NXF3: variants seen among roughly 807,000 people sequenced by gnomAD.
The protein encoded by NXF3 is TAP-like protein 3.
Under a neutral mutation model 48.4 loss-of-function variants are expected in NXF3, and 34 were observed. The observed-to-expected ratio is 0.70, with a 90% CI of 0.53 to 0.93. The LOEUF is 0.93. Among genes scored for constraint, NXF3 ranks in the 40% least tolerant of loss-of-function variants. The pLI is 0.00. For missense variants in NXF3, 359 were observed against 406.1 expected (o/e 0.88, Z 1.00); for synonymous variants, 132 against 145.7 (o/e 0.91, Z 0.68).
chrX:103,079,985 C>T, intron 12 of NXF3, 28 bp downstream of exon 12: 1 of 1,208,629 alleles, frequency 8.3e-7, no homozygotes, highest in Non-Finnish European at 1.1e-6. Flanking sequence ...CTAGCCTTCT[C>T]TTGCCTCAGA....
At position 103,083,695 on chromosome X, in the gene NXF3, A is replaced by G. The variant is rs762179810; in HGVS notation, c.352-3T>C. 3 of 1,189,117 alleles carry G rather than the reference A, an allele frequency of 2.5e-6. No homozygotes were observed. The highest frequency in any genetic ancestry group is 4.4e-5 in the Admixed American group (2 of 45,954). ...TTGTATTTTATGCCAAAGGGAACCT[A>G]TGAGTGAAAGAAAGAATGAGTGAGG... On this transcript the variant is annotated splice_region_variant and splice_polypyrimidine_tract_variant and intron_variant, in intron 3 of 19. Coordinates refer to ENST00000395065, the MANE Select transcript of NXF3 (RefSeq NM_022052.2).
At chrX:103,086,776 T>C (rs1397614290) in intron 1 of NXF3, among the ~76,000 whole-genome samples, 1 of 109,786 alleles carries the variant, frequency 9.1e-6, no homozygotes, top group Non-Finnish European at 1.9e-5. Context: ...ATTTACACAC[T>C]GACTGACTGA....
At chrX:103,089,539 G>C (rs1222328058) in intron 1 of NXF3, among the ~76,000 whole-genome samples, 1 of 112,142 alleles carries the variant, frequency 8.9e-6, no homozygotes, top group Non-Finnish European at 1.9e-5. Context: ...TGCTGTGTCT[G>C]TATTGAAAAA....
chrX:103,082,962 C>A (rs374868758), intron 7 of NXF3, 42 bp downstream of exon 7: 1 of 1,168,919 alleles, frequency 8.6e-7, no homozygotes, highest in Non-Finnish European at 1.2e-6. Context: ...CACACAGACA[C>A]CTCTGCCCTC....
chrX:103,083,829 G>C, intron 3 of NXF3, 137 bp from the exon 4 acceptor site: 2 of 435,598 alleles, frequency 4.6e-6, no homozygotes, highest in Non-Finnish European at 7.9e-6. Flanking sequence ...GCTAACTTAT[G>C]TATTTCATTA....
At position 103,088,364 on chromosome X, in the gene NXF3, A is replaced by G. The variant is rs1922203085; in HGVS notation, c.29-3481T>C. On this transcript the variant is annotated intron_variant, in intron 1 of 19. Coordinates refer to ENST00000395065, the MANE Select transcript of NXF3 (RefSeq NM_022052.2). Reference sequence around the variant, plus strand: ...ACATTTGTGGGTTCTCTTGGCAAACATGGAACATATAAAACAATTGGCAAT... The same window carrying G: ...ACATTTGTGGGTTCTCTTGGCAAACGTGGAACATATAAAACAATTGGCAAT... The G allele has an allele frequency of 1.1e-5, 6 of 548,579 alleles. No individual in the cohort carries two copies. The East Asian group carries it at 2.1e-4, about 19-fold the overall frequency. The allele number at this position is 548,579 out of a possible 1,213,427, so 45.2% of individuals were successfully genotyped here. A position where few individuals can be genotyped will look rare whatever the true frequency, so the allele number is the denominator to read the frequency against.
At chrX:103,088,911 G>A (rs1922214721) in intron 1 of NXF3, 3 of 1,193,685 alleles carry the variant, frequency 2.5e-6, no homozygotes, top group Non-Finnish European at 3.4e-6. Context: ...TCAAAAATAC[G>A]AGGTCTCAGA....
Position 103,083,506 on chromosome X carries a change from T to C in NXF3, c.436-4A>G, listed in dbSNP as rs770457858. ...CATGCATGTTTTCATAGTGAAACTA[T>C]AGGGAGAGTTGCAAGAGAAATGAAA... On this transcript the variant is annotated splice_region_variant and splice_polypyrimidine_tract_variant and intron_variant, in intron 4 of 19. Transcript: ENST00000395065. 24 of 1,195,596 alleles carry C rather than the reference T, an allele frequency of 2.0e-5. No homozygotes were observed. The highest frequency in any genetic ancestry group is 8.9e-5 in the South Asian group (5 of 56,456).
At chrX:103,085,725 A>C (rs368641042) in intron 1 of NXF3, among the ~76,000 whole-genome samples, 7 of 108,680 alleles carry the variant, frequency 6.4e-5, no homozygotes, top group South Asian at 7.9e-4. Flanking sequence ...AACATGATGA[A>C]ACACCCTCTC....
chrX:103,079,312 C>A (rs772198037), intron 15 of NXF3, 47 bp downstream of exon 15: 4 of 1,208,586 alleles, frequency 3.3e-6, no homozygotes, highest in Non-Finnish European at 4.5e-6. Context: ...ACCTCCTACC[C>A]ACCTCTGGCT....
intron 1 of NXF3, among the ~76,000 whole-genome samples, chrX:103,090,293 T>A (rs1240945375): frequency 1.8e-5 from 2 of 112,097 alleles, no homozygotes; most frequent in Admixed American, 9.5e-5. Flanking sequence ...TTTGCAAGAG[T>A]CTAATGCTAA....
intron 8 of NXF3, 118 bp downstream of exon 8, chrX:103,082,642 G>A: frequency 3.3e-6 from 2 of 608,027 alleles, no homozygotes. Context: ...GCTATGGGGA[G>A]GAATGAATTA....
In NXF3 at chrX:103,084,814, C is replaced by G; in HGVS notation, c.98G>C (p.Arg33Thr). Residue 33 changes from arginine to threonine, a missense_variant, in exon 2 of 20, where the codon AGG becomes ACG. Arg to Thr is a moderately conservative substitution (Grantham distance 71). Transcript: ENST00000395065. The stretch of plus-strand genomic sequence containing the variant: ...CATGCCAGGATTGACAGGTTCAGAC[C>G]TACTGCTAAATCTCCTTTGGTAAAT... ...WDIYQRRFSS[R>T]SEPVNPGMHS... The G allele has an allele frequency of 1.7e-6, 2 of 1,211,042 alleles. No individual in the cohort carries two copies. Among genetic ancestry groups the G allele is most frequent in the Non-Finnish European group, 2.2e-6 (2 of 894,629 alleles).
chrX:103,082,845 A>G lies in NXF3; in HGVS notation c.695T>C (p.Met232Thr), dbSNP rs1337464233. 6 of 1,205,562 alleles carry G rather than the reference A, an allele frequency of 5.0e-6. No homozygotes were observed. The highest frequency in any genetic ancestry group is 3.0e-5 in the East Asian group (1 of 33,735). ...TGCCATCTTAGTATCACGGTTCACC[A>G]TGTCTCCAGAAAGCAGAGAGGAGAA... ...DIQRLPFYPD[M>T]VNRDTKMASN... The change falls in exon 8 of 20, where the codon ATG becomes ACG. Residue 232 changes from methionine (M) to threonine (T), a missense_variant. By Grantham distance (81) the Met-to-Thr change is moderately conservative. Coordinates refer to ENST00000395065, the MANE Select transcript of NXF3 (RefSeq NM_022052.2).
intron 16 of NXF3, 119 bp downstream of exon 16, chrX:103,079,102 G>A (rs1244088770): frequency 2.7e-5 from 21 of 767,864 alleles, no homozygotes; most frequent in Non-Finnish European, 4.2e-5. Context: ...GGAAAACACG[G>A]AGGGAACAAG....
chrX:103,085,920 A>AAAAG lies in NXF3; in HGVS notation c.29-1041_29-1038dup, dbSNP rs1372265123. 1.8e-3 allele frequency among the ~76,000 whole-genome samples: 183 copies of AAAAG among 103,757 alleles called. 2 individuals carry two copies. The highest frequency in any genetic ancestry group is 6.1e-3 in the African/African-American group (169 of 27,583). The allele number at this position is 103,757 out of a possible 115,157, so 90.1% of individuals were successfully genotyped here. On this transcript the variant is annotated intron_variant, in intron 1 of 19. Coordinates refer to ENST00000395065, the MANE Select transcript of NXF3 (RefSeq NM_022052.2). ...TCTGTCAAAAAAAAAAAAAAAAAAA[A>AAAAG]AAAGAAAGAAAGAAAGAAAGATTTG...
chrX:103,079,445 T>C lies in NXF3; in HGVS notation c.1249A>G (p.Lys417Glu). ...CTGAGGGAGTCCACAATATCAAGTTTTGTGTGCTTCAGCAGCTCCCCCCGA... is the reference window on the plus strand; with the variant it reads ...CTGAGGGAGTCCACAATATCAAGTTCTGTGTGCTTCAGCAGCTCCCCCCGA... ...YLRGELLKHT[K>E]LDIVDSLSAL... The change falls in exon 15 of 20, where the codon AAA becomes GAA. Residue 417 changes from lysine to glutamate, a missense_variant. Lys to Glu is a moderately conservative substitution (Grantham distance 56). Coordinates refer to ENST00000395065, the MANE Select transcript of NXF3 (RefSeq NM_022052.2). 1 of 1,211,036 alleles carries C rather than the reference T, an allele frequency of 8.3e-7. No individual in the cohort carries two copies.
At position 103,089,033 on chromosome X, in the gene NXF3, T is replaced by G. The variant is rs1342426794; in HGVS notation, c.28+3963A>C. 8.7e-6 allele frequency: 10 copies of G among 1,148,027 alleles called. No homozygotes were observed. The Admixed American group carries it at 1.1e-4, about 13-fold the overall frequency. The allele number at this position is 1,148,027 out of a possible 1,213,427, so 94.6% of individuals were successfully genotyped here. On this transcript the variant is annotated intron_variant, in intron 1 of 19. Coordinates refer to ENST00000395065, the MANE Select transcript of NXF3 (RefSeq NM_022052.2). Reference sequence around the variant, plus strand: ...TGGAATCAGAGCAAAGCCATCCTTTTTGCAGTTATTCAGAACATCAGGAGA... The same window carrying G: ...TGGAATCAGAGCAAAGCCATCCTTTGTGCAGTTATTCAGAACATCAGGAGA...
rs949710881 is a variant in NXF3, at chrX:103,092,563, G to A, written c.28+433C>T. On this transcript the variant is annotated intron_variant, in intron 1 of 19. Coordinates refer to ENST00000395065, the MANE Select transcript of NXF3 (RefSeq NM_022052.2). Reference sequence around the variant, plus strand: ...TACATATAGAAGATTTAAATGGCATGAGTAATAAGTTTGCTTAAATGACAT... The same window carrying A: ...TACATATAGAAGATTTAAATGGCATAAGTAATAAGTTTGCTTAAATGACAT... 3.6e-5 allele frequency among the ~76,000 whole-genome samples: 4 copies of A among 112,468 alleles called. No homozygotes were observed. The South Asian group carries it at 1.5e-3, about 41-fold the overall frequency.
Sources: allele counts gnomAD v4.1 joint callset (sites outside exome capture counted in the v4.1 genomes callset), GRCh38; gene constraint gnomAD v4.1.1; transcripts MANE v1.5; gene names NCBI Gene and HGNC (gene_info 2026-07-23, HGNC 2026-07-21).